Variants in ANKRD30B observed in about 807,000 individuals in gnomAD.
ANKRD30B encodes the protein ankyrin repeat domain-containing protein 30B.
ANKRD30B carries 144 observed loss-of-function variants against 202.2 expected under a neutral mutation model. That is an observed-to-expected ratio of 0.71 (90% CI 0.62 to 0.82). The LOEUF is 0.82. Ranked by LOEUF, ANKRD30B falls within the 40% of genes least tolerant of loss-of-function variation. The pLI is 0.00. For synonymous variants in ANKRD30B, 508 were observed against 561.3 expected (o/e 0.91, Z 1.34); for missense variants, 1,487 against 1,669.1 (o/e 0.89, Z 1.90).
At chr18:14,855,785 C>T (rs1205913095), downstream of ANKRD30B, among the ~76,000 whole-genome samples, 10 of 145,842 alleles carry the variant, frequency 6.9e-5, no homozygotes, top group Non-Finnish European at 1.4e-4. Context: ...AGACAATGGG[C>T]AGCCAGGCAG....
At chr18:14,874,856 A>C in the ANKRD30B span, among the ~76,000 whole-genome samples, 1 of 152,190 alleles carries the variant, frequency 6.6e-6, no homozygotes, top group Non-Finnish European at 1.5e-5. Flanking sequence ...AGCCCTTTCA[A>C]ACTTTTTGTT....
chr18:14,855,248 C>A (rs1455251722), downstream of ANKRD30B, among the ~76,000 whole-genome samples: 2 of 152,182 alleles, frequency 1.3e-5, no homozygotes, highest in Non-Finnish European at 2.9e-5. Context: ...AACAGCATCC[C>A]AAGGCAGAAG....
intron 36 of ANKRD30B, among the ~76,000 whole-genome samples, chr18:14,838,141 C>G (rs1171803887): frequency 6.6e-6 from 1 of 152,196 alleles, no homozygotes; most frequent in African/African-American, 2.4e-5. Flanking sequence ...AATTTTGAAG[C>G]CAGTGTAGAA....
Position 14,797,980 on chromosome 18 carries a change from T to C in ANKRD30B, c.2029+126T>C, listed in dbSNP as rs767606922. 1.4e-4 allele frequency: 133 copies of C among 963,414 alleles called. 1 individual carries two copies. The highest frequency in any genetic ancestry group is 1.0e-3 in the Middle Eastern group (3 of 2,982). 59.7% of individuals were successfully genotyped at this position (963,414 alleles called of 1,614,324 possible). On this transcript the variant is annotated intron_variant, in intron 20 of 43. Transcript: ENST00000690538. The stretch of plus-strand genomic sequence containing the variant: ...TGATGGGAAAATTTGATACAAATAA[T>C]GCCAATGTTAGTATTTATGTTTGAG...
chr18:14,856,436 G>A (rs1448039818), downstream of ANKRD30B, among the ~76,000 whole-genome samples: 1 of 146,480 alleles, frequency 6.8e-6, no homozygotes, highest in Non-Finnish European at 1.5e-5. Context: ...CCGGGCAGAG[G>A]CGCTCCTCAA....
chr18:14,772,289 C>A (rs1967053615), intron 9 of ANKRD30B, 61 bp downstream of exon 9: 2 of 1,086,772 alleles, frequency 1.8e-6, no homozygotes, highest in Admixed American at 2.8e-5. Flanking sequence ...TATAGTATTT[C>A]TTAGCAGTGG....
At position 14,822,598 on chromosome 18, in the gene ANKRD30B, C is replaced by T. The variant is rs1598678024; in HGVS notation, c.2671-7C>T. 2 of 1,345,668 alleles carry T rather than the reference C, an allele frequency of 1.5e-6. No homozygotes were observed. Among genetic ancestry groups the T allele is most frequent in the East Asian group, 5.1e-5 (2 of 39,200 alleles). The allele number at this position is 1,345,668 out of a possible 1,614,324, so 83.4% of individuals were successfully genotyped here. A position where few individuals can be genotyped will look rare whatever the true frequency, so the allele number is the denominator to read the frequency against. Reference sequence around the variant, plus strand: ...ATAGTAATTATTGTGTTTCCAAACCCATTTAGCCTACCTGTGGAATGAAAA... The same window carrying T: ...ATAGTAATTATTGTGTTTCCAAACCTATTTAGCCTACCTGTGGAATGAAAA... On this transcript the variant is annotated splice_polypyrimidine_tract_variant and splice_region_variant and intron_variant, in intron 31 of 43. Coordinates refer to ENST00000690538, the MANE Select transcript of ANKRD30B (RefSeq NM_001367607.2).
At chr18:14,844,180 A>C (rs1971536282) in intron 39 of ANKRD30B, among the ~76,000 whole-genome samples, 1 of 152,224 alleles carries the variant, frequency 6.6e-6, no homozygotes, top group African/African-American at 2.4e-5. Context: ...CTGCACCACA[A>C]CTAATTAAAA....
At chr18:14,875,831 T>C in the ANKRD30B span, among the ~76,000 whole-genome samples, 4 of 152,226 alleles carry the variant, frequency 2.6e-5, no homozygotes, top group Admixed American at 1.3e-4. Context: ...GGTGGTACCA[T>C]AGAGACATTC....
At position 14,828,366 on chromosome 18, in the gene ANKRD30B, A is replaced by G; in HGVS notation, c.2774+58A>G. The G allele has an allele frequency of 4.2e-6, 5 of 1,192,932 alleles. 1 individual carries two copies. In the South Asian group the frequency reaches 7.1e-5, roughly 17 times the overall value. The allele number at this position is 1,192,932 out of a possible 1,614,324, so 73.9% of individuals were successfully genotyped here. A position where few individuals can be genotyped will look rare whatever the true frequency, so the allele number is the denominator to read the frequency against. ...TTAACTCAGAAAATATAGAGAAAAG[A>G]AATCACTATCTGCTGAGTATTCTAC... On this transcript the variant is annotated intron_variant, in intron 33 of 43. Transcript: ENST00000690538.
At chr18:14,894,368 C>G in the ANKRD30B span, among the ~76,000 whole-genome samples, 1 of 152,072 alleles carries the variant, frequency 6.6e-6, no homozygotes, top group Admixed American at 6.6e-5. Flanking sequence ...TTTTAAAGTG[C>G]TTTAACTTTT....
chr18:14,931,901 GCCCCCCACCCCA>G, the ANKRD30B span, among the ~76,000 whole-genome samples: 2 of 138,014 alleles, frequency 1.4e-5, no homozygotes, highest in African/African-American at 5.3e-5. Flanking sequence ...TCTGTCCCAG[GCCCCCCACCCCA>G]CCTCCCTCCT....
intron 30 of ANKRD30B, among the ~76,000 whole-genome samples, chr18:14,819,688 T>C (rs1254539293): frequency 1.5e-4 from 23 of 151,146 alleles, no homozygotes; most frequent in Admixed American, 2.6e-4. Context: ...TGTGGCGTTA[T>C]TTCTGAGGGC....
chr18:14,867,500 G>A, the ANKRD30B span, among the ~76,000 whole-genome samples: 2 of 152,028 alleles, frequency 1.3e-5, no homozygotes, highest in East Asian at 3.9e-4. Flanking sequence ...AGTTTTCACG[G>A]CAATCCTCTG....
the ANKRD30B span, among the ~76,000 whole-genome samples, chr18:14,929,159 C>G: frequency 6.6e-6 from 1 of 152,326 alleles, no homozygotes; most frequent in African/African-American, 2.4e-5. Flanking sequence ...GTGTGTCCGT[C>G]CTTGTTTCTT....
intron 7 of ANKRD30B, among the ~76,000 whole-genome samples, chr18:14,767,821 A>T (rs1046674455): frequency 1.5e-4 from 23 of 152,322 alleles, no homozygotes; most frequent in Middle Eastern, 3.4e-3. Context: ...AGAACTTATG[A>T]CTTGCATATT....
At chr18:14,830,988 C>G (rs1458793188) in intron 33 of ANKRD30B, among the ~76,000 whole-genome samples, 4 of 151,688 alleles carry the variant, frequency 2.6e-5, no homozygotes, top group African/African-American at 4.8e-5. Context: ...GGAAACCATC[C>G]TGGCTAACAC....
chr18:14,939,471 A>T, the ANKRD30B span, among the ~76,000 whole-genome samples: 1 of 152,224 alleles, frequency 6.6e-6, no homozygotes, highest in Non-Finnish European at 1.5e-5. Flanking sequence ...GAACAGGATC[A>T]GTAAAGGGCC....
chr18:14,783,986 T>C (rs1967916808), intron 12 of ANKRD30B, among the ~76,000 whole-genome samples: 1 of 152,144 alleles, frequency 6.6e-6, no homozygotes, highest in African/African-American at 2.4e-5. Context: ...TTAAAGAACA[T>C]GATGAATAGA....
Sources: gnomAD v4.1 joint callset for allele counts (sites outside exome capture counted in the v4.1 genomes callset) on GRCh38, gnomAD v4.1.1 for gene constraint, MANE v1.5 for transcripts, NCBI Gene and HGNC (gene_info 2026-07-23, HGNC 2026-07-21) for gene names.